Variants in FHIT observed in about 807,000 individuals in gnomAD.
The protein encoded by FHIT is fragile histidine triad diadenosine triphosphatase, also known as bis(5'-adenosyl)-triphosphatase.
FHIT carries 19 observed loss-of-function variants against 17.9 expected under a neutral mutation model. The ratio of observed to expected loss-of-function variants is 1.06; its 90% CI spans 0.74 to 1.56. FHIT has a LOEUF of 1.56. Among genes scored for constraint, FHIT ranks in the 40% most tolerant of loss-of-function variants. The probability of loss-of-function intolerance (pLI) is 0.00; values close to 1 mark genes in which losing one functional copy is unlikely to be tolerated. For synonymous variants in FHIT, 81 were observed against 69.7 expected, an observed-to-expected ratio of 1.16 and a Z score of -0.81; for missense variants, 248 against 189.2, an observed-to-expected ratio of 1.31 and a Z score of -1.82.
intron 5 of FHIT, among the ~76,000 whole-genome samples, chr3:60,426,925 G>A (rs559554114): frequency 3.9e-5 from 6 of 152,148 alleles, no homozygotes; most frequent in South Asian, 2.1e-4. Context: ...TCTTAAGTAT[G>A]GGCAACACTT....
intron 4 of FHIT, among the ~76,000 whole-genome samples, chr3:60,600,091 G>T (rs1289602386): frequency 5.9e-5 from 9 of 152,066 alleles, no homozygotes; most frequent in African/African-American, 2.2e-4. Context: ...CACTGTACTG[G>T]TAGGGCTGCC....
intron 3 of FHIT, among the ~76,000 whole-genome samples, chr3:60,844,306 A>G (rs929686353): frequency 6.6e-6 from 1 of 152,108 alleles, no homozygotes; most frequent in Non-Finnish European, 1.5e-5. Context: ...TATATCAACA[A>G]GAGGAATGAA....
intron 3 of FHIT, among the ~76,000 whole-genome samples, chr3:60,955,832 T>C (rs1004516257): frequency 6.6e-5 from 10 of 151,856 alleles, no homozygotes; most frequent in African/African-American, 2.4e-4. Context: ...AGGTAGATGG[T>C]GGTTCATGGG....
At chr3:60,334,683 A>G (rs932552508) in intron 5 of FHIT, among the ~76,000 whole-genome samples, 2 of 152,200 alleles carry the variant, frequency 1.3e-5, no homozygotes, top group Admixed American at 1.3e-4. Flanking sequence ...GCTACATGGG[A>G]GGCTGAGAAA....
At chr3:60,099,950 C>T (rs1704122477) in intron 5 of FHIT, among the ~76,000 whole-genome samples, 1 of 152,146 alleles carries the variant, frequency 6.6e-6, no homozygotes, top group Admixed American at 6.5e-5. Flanking sequence ...AGTAGAAGTG[C>T]TCCGTAAATG....
At chr3:60,200,474 G>A (rs908367133) in intron 5 of FHIT, among the ~76,000 whole-genome samples, 2 of 151,972 alleles carry the variant, frequency 1.3e-5, no homozygotes, top group Non-Finnish European at 2.9e-5. Flanking sequence ...TCCTATACAT[G>A]ACCAAAATTA....
chr3:60,512,205 T>A (rs186115388), intron 5 of FHIT, among the ~76,000 whole-genome samples: 1 of 152,192 alleles, frequency 6.6e-6, no homozygotes, highest in African/African-American at 2.4e-5. Context: ...TAGGAAAAGA[T>A]TGACTGATAT....
At chr3:59,985,639 G>A (rs1575819722) in intron 7 of FHIT, among the ~76,000 whole-genome samples, 1 of 152,128 alleles carries the variant, frequency 6.6e-6, no homozygotes. Context: ...CCGCTTAGCT[G>A]TGAGTACTCA....
chr3:60,714,338 G>A (rs1376351690), intron 4 of FHIT, among the ~76,000 whole-genome samples: 302 of 152,138 alleles, frequency 2.0e-3, no homozygotes, highest in Middle Eastern at 0.01. Flanking sequence ...TACTGAATGG[G>A]CAAAAACCGG....
chr3:60,161,050 T>C lies in FHIT; in HGVS notation c.104-146898A>G, dbSNP rs545060480. On this transcript the variant is annotated intron_variant, in intron 5 of 9. Coordinates refer to ENST00000492590, the MANE Select transcript of FHIT (RefSeq NM_002012.4). ...GTAATAGCAAAAAGATATGACGGAG[T>C]TTCTGGCCACTTAAAATCTGACTTG... 2.0e-5 allele frequency among the ~76,000 whole-genome samples: 3 copies of C among 152,140 alleles called. No individual in the cohort carries two copies. In the South Asian group the frequency reaches 6.2e-4, roughly 32 times the overall value.
intron 2 of FHIT, among the ~76,000 whole-genome samples, chr3:61,133,771 C>A (rs2036830469): frequency 6.6e-6 from 1 of 152,024 alleles, no homozygotes; most frequent in Admixed American, 6.5e-5. Context: ...GGAGAACAAC[C>A]ATGAGAGGGT....
chr3:60,972,219 T>G (rs1710054065), intron 3 of FHIT, among the ~76,000 whole-genome samples: 1 of 152,224 alleles, frequency 6.6e-6, no homozygotes, highest in Non-Finnish European at 1.5e-5. Flanking sequence ...TGATTTCAAC[T>G]GGGACTATTT....
At chr3:60,960,579 C>G (rs35059096) in intron 3 of FHIT, among the ~76,000 whole-genome samples, 5 of 152,154 alleles carry the variant, frequency 3.3e-5, no homozygotes, top group Admixed American at 6.5e-5. Context: ...CTCCTCCCCC[C>G]ACCCCACAAC....
intron 8 of FHIT, among the ~76,000 whole-genome samples, chr3:59,903,081 A>T (rs1704408793): frequency 6.6e-6 from 1 of 152,188 alleles, no homozygotes; most frequent in African/African-American, 2.4e-5. Flanking sequence ...AATTTTTGTG[A>T]ATCATACCTT....
intron 5 of FHIT, among the ~76,000 whole-genome samples, chr3:60,251,189 T>C (rs1046175195): frequency 1.3e-5 from 2 of 152,320 alleles, no homozygotes; most frequent in East Asian, 1.9e-4. Context: ...GTATACCATA[T>C]CCATAAAAAA....
At chr3:61,096,717 G>C (rs2035650182) in intron 2 of FHIT, among the ~76,000 whole-genome samples, 1 of 152,186 alleles carries the variant, frequency 6.6e-6, no homozygotes, top group African/African-American at 2.4e-5. Flanking sequence ...AAAAGTAGAT[G>C]TTCATGCTTT....
chr3:60,962,595 A>T (rs1333100324), intron 3 of FHIT, among the ~76,000 whole-genome samples: 2 of 152,144 alleles, frequency 1.3e-5, no homozygotes, highest in African/African-American at 4.8e-5. Flanking sequence ...TTATTTTCAG[A>T]CACGTCCCAT....
chr3:60,690,062 C>T (rs1163869316), intron 4 of FHIT, among the ~76,000 whole-genome samples: 1 of 152,082 alleles, frequency 6.6e-6, no homozygotes, highest in Non-Finnish European at 1.5e-5. Context: ...ACTCTGCAAT[C>T]CAGCTAGGCA....
chr3:60,594,432 A>G (rs983599015), intron 4 of FHIT, among the ~76,000 whole-genome samples: 11 of 152,098 alleles, frequency 7.2e-5, no homozygotes, highest in Middle Eastern at 3.2e-3. Flanking sequence ...ATCGGCCCCA[A>G]ATGGTTGGTA....
Sources: gnomAD v4.1 joint callset for allele counts (sites outside exome capture counted in the v4.1 genomes callset) on GRCh38, gnomAD v4.1.1 for gene constraint, MANE v1.5 for transcripts, NCBI Gene and HGNC (gene_info 2026-07-23, HGNC 2026-07-21) for gene names.